Variants in DHRS4L2 observed in about 807,000 individuals in gnomAD.
The protein encoded by DHRS4L2 is dehydrogenase/reductase 4 like 2.
Under a neutral mutation model 23.9 loss-of-function variants are expected in DHRS4L2, and 22 were observed. The observed-to-expected ratio is 0.92, with a 90% confidence interval of 0.66 to 1.31. The LOEUF (loss-of-function observed/expected upper bound fraction) is 1.31, where lower values mean the gene tolerates loss of function less well. Ranked by LOEUF, DHRS4L2 falls within the 40% of genes most tolerant of loss-of-function variation. DHRS4L2 has a pLI of 0.00. For missense variants in DHRS4L2, 385 were observed against 303.3 expected (o/e 1.27, Z -2.00); for synonymous variants, 141 against 123.7 (o/e 1.14, Z -0.93).
chr14:23,987,224 G>T, upstream of DHRS4L2: 1 of 365,670 alleles, frequency 2.7e-6, no homozygotes. Flanking sequence ...TCCGCATCCC[G>T]TGTTCATGCC....
chr14:23,990,365 C>G lies in DHRS4L2; in HGVS notation c.306+6C>G. ...GGGAGCGGCTGGTGGCCATGGTGAGCTGCAGGGAAATGGGCACAGAGCCAG... is the reference window on the plus strand; with the variant it reads ...GGGAGCGGCTGGTGGCCATGGTGAGGTGCAGGGAAATGGGCACAGAGCCAG... On this transcript the variant is annotated splice_donor_region_variant and intron_variant, in intron 2 of 7. Coordinates refer to ENST00000335125, the MANE Select transcript of DHRS4L2 (RefSeq NM_198083.4). 3.1e-6 allele frequency: 5 copies of G among 1,608,060 alleles called. No homozygotes were observed. Among genetic ancestry groups the G allele is most frequent in the Non-Finnish European group, 4.2e-6 (5 of 1,177,242 alleles).
At chr14:23,970,991 T>C (rs984388723) in intron 1 of DHRS4L2, among the ~76,000 whole-genome samples, 5 of 151,992 alleles carry the variant, frequency 3.3e-5, no homozygotes, top group Admixed American at 6.6e-5. Flanking sequence ...ACCCCATCCA[T>C]AGGTCACCAA....
intron 6 of DHRS4L2, 64 bp downstream of exon 6, chr14:24,001,581 G>A: frequency 1.3e-6 from 2 of 1,574,460 alleles, no homozygotes; most frequent in South Asian, 2.3e-5. Context: ...TCTTGGACAG[G>A]GAAGCCCACT....
At chr14:23,984,514 C>A (rs959271041), upstream of DHRS4L2, among the ~76,000 whole-genome samples, 1 of 151,368 alleles carries the variant, frequency 6.6e-6, no homozygotes, top group Non-Finnish European at 1.5e-5. Flanking sequence ...TTAAAACACC[C>A]GACCGGGCGC....
intron 1 of DHRS4L2, among the ~76,000 whole-genome samples, chr14:23,977,926 A>G (rs1369862136): frequency 6.6e-6 from 1 of 151,668 alleles, no homozygotes; most frequent in East Asian, 1.9e-4. Flanking sequence ...CCAACCTTGT[A>G]CAAATAATGT....
chr14:23,972,901 C>G (rs2033890731), intron 1 of DHRS4L2, among the ~76,000 whole-genome samples: 3 of 151,248 alleles, frequency 2.0e-5, no homozygotes, highest in Admixed American at 1.3e-4. Context: ...TGCACGTAAG[C>G]CAGATTTATG....
At chr14:23,999,344 TAAAA>T (rs71426825) in intron 3 of DHRS4L2, among the ~76,000 whole-genome samples, 2,308 of 49,368 alleles carry the variant, frequency 0.047, no homozygotes, top group South Asian at 0.12. Context: ...CTCCAATTTG[TAAAA>T]AAAAAAAAAA....
At chr14:23,999,884 G>A (rs1338426399) in intron 3 of DHRS4L2, among the ~76,000 whole-genome samples, 4 of 121,512 alleles carry the variant, frequency 3.3e-5, no homozygotes, top group East Asian at 2.2e-4. Flanking sequence ...TAGTACAGAC[G>A]AGGTTTGCCA....
chr14:23,990,172 C>T lies in DHRS4L2; in HGVS notation c.129-10C>T, dbSNP rs755434788. On this transcript the variant is annotated splice_polypyrimidine_tract_variant and intron_variant, in intron 1 of 7. Transcript: ENST00000335125. ...AGGCCTTAGCAGTCTTTGTCTCTTT[C>T]TGCTCACAGGATCGGCTTCGCCATC... is the stretch of plus-strand genomic sequence containing the variant. 275 of 1,612,514 alleles carry T rather than the reference C, an allele frequency of 1.7e-4. 8 individuals carry two copies. The highest frequency in any genetic ancestry group is 1.8e-4 in the Non-Finnish European group (207 of 1,179,300).
In DHRS4L2 at chr14:23,977,009, C is replaced by T. The variant is rs551608254; in HGVS notation, c.-176+6677C>T. Among the ~76,000 whole-genome samples, 24 of 151,726 alleles carry T rather than the reference C, an allele frequency of 1.6e-4. 1 individual carries two copies. The highest frequency in any genetic ancestry group is 4.8e-4 in the African/African-American group (20 of 41,338). On this transcript the variant is annotated intron_variant, in intron 1 of 5. Coordinates refer to the DHRS4L2 transcript ENST00000534993. ...TAGGAGAAATACCTAATGTAAATGA[C>T]GAGTTGATGGATCCAGCAAACCAAC...
In DHRS4L2 at chr14:24,001,512, A is replaced by G; in HGVS notation, c.660A>G (p.Ala220=). ...TGGACTTATCAAGACTAGCTTCAGC[A>G]GGATGGTGAGGAAGGGGAGCTTTGC... ...LHLDLSRLAS[A]GCSGWTRKKR... The change falls in exon 6 of 8, where the codon GCA becomes GCG. Residue 220 remains alanine, a synonymous_variant. Transcript: ENST00000335125. 6.2e-7 allele frequency: 1 copy of G among 1,602,308 alleles called. No homozygotes were observed. The highest frequency in any genetic ancestry group is 8.5e-7 in the Non-Finnish European group (1 of 1,177,752).
At position 23,989,031 on chromosome 14, in the gene DHRS4L2, C is replaced by G; in HGVS notation, c.84C>G (p.Asp28Glu). The G allele has an allele frequency of 1.2e-6, 2 of 1,603,038 alleles. No individual in the cohort carries two copies. Among genetic ancestry groups the G allele is most frequent in the Non-Finnish European group, 1.7e-6 (2 of 1,174,928 alleles). ...CCAGCTCCAGGATGACCCGCCGGGA[C>G]CCGCTCACAAATAAGGTGGCCCTGG... ...RMASSRMTRR[D>E]PLTNKVALVT... is the part of the protein sequence containing the mutation. The change falls in exon 1 of 8, where the codon GAC (aspartate) becomes GAG (glutamate). Residue 28 changes from aspartate to glutamate, a missense_variant. Physicochemically the swap from Asp to Glu is conservative, Grantham distance 45. Coordinates refer to ENST00000335125, the MANE Select transcript of DHRS4L2 (RefSeq NM_198083.4).
exon 1 of DHRS4L2, chr14:23,970,054 T>C (rs1213545475): frequency 3.7e-5 from 17 of 456,080 alleles, no homozygotes; most frequent in Middle Eastern, 3.7e-4. Flanking sequence ...GCGGTGTGGG[T>C]GGCGGCGGCT....
At chr14:23,994,572 C>A (rs1176798141) in intron 2 of DHRS4L2, among the ~76,000 whole-genome samples, 2 of 151,434 alleles carry the variant, frequency 1.3e-5, no homozygotes, top group African/African-American at 2.4e-5. Flanking sequence ...CTTCTACTCT[C>A]AACTACTTGG....
intron 1 of DHRS4L2, among the ~76,000 whole-genome samples, chr14:23,972,353 G>A (rs1052253807): frequency 2.0e-5 from 3 of 151,918 alleles, no homozygotes; most frequent in Admixed American, 1.3e-4. Context: ...CAGCATGTCT[G>A]GAGTTGTTCG....
chr14:23,984,670 G>A (rs533978374), upstream of DHRS4L2, among the ~76,000 whole-genome samples: 41 of 151,060 alleles, frequency 2.7e-4, no homozygotes, highest in Non-Finnish European at 5.6e-4. Context: ...TGTTGTGCTA[G>A]CTCACCAGGT....
Position 23,995,149 on chromosome 14 carries a change from A to G in DHRS4L2, c.408+16A>G, listed in dbSNP as rs1220294581. On this transcript the variant is annotated intron_variant, in intron 3 of 7. Coordinates refer to ENST00000335125, the MANE Select transcript of DHRS4L2 (RefSeq NM_198083.4). ...GTGGGACAAGGTGAGAGGGGATTAA[A>G]GAAGCGCGGAAGGGGGCCTCGGGAC... 1.2e-6 allele frequency: 2 copies of G among 1,611,796 alleles called. No individual in the cohort carries two copies. The highest frequency in any genetic ancestry group is 2.2e-5 in the East Asian group (1 of 44,872).
intron 6 of DHRS4L2, 133 bp from the exon 7 acceptor site, chr14:24,004,204 G>C (rs1207351657): frequency 2.5e-5 from 24 of 959,642 alleles, no homozygotes; most frequent in Non-Finnish European, 3.6e-5. Flanking sequence ...GGGAGGCGGA[G>C]TTTGCAGTGA....
chr14:23,987,201 G>A (rs2034162901), upstream of DHRS4L2: 1 of 354,046 alleles, frequency 2.8e-6, no homozygotes, highest in South Asian at 2.0e-5. Context: ...CGTGATCTTG[G>A]CTCACTGCAA....
Sources: gnomAD v4.1 joint callset for allele counts (sites outside exome capture counted in the v4.1 genomes callset) on GRCh38, gnomAD v4.1.1 for gene constraint, MANE v1.5 for transcripts, NCBI Gene and HGNC (gene_info 2026-07-23, HGNC 2026-07-21) for gene names.